The following CNOT1 variants were observed in gnomAD, a reference collection of about 807,000 sequenced individuals.
The protein encoded by CNOT1 is CCR4-associated factor 1.
A neutral mutation model predicts 273.8 loss-of-function variants in CNOT1; 15 were observed. The observed-to-expected ratio is 0.05, with a 90% CI of 0.04 to 0.08. The LOEUF (loss-of-function observed/expected upper bound fraction) is 0.08, where lower values mean the gene tolerates loss of function less well. Among genes scored for constraint, CNOT1 ranks in the 10% least tolerant of loss-of-function variants. CNOT1 has a pLI of 1.00. For synonymous variants in CNOT1, 1,022 were observed against 1,005.5 expected (o/e 1.02, Z -0.31); for missense variants, 1,644 against 2,912.2 (o/e 0.56, Z 10.02).
Position 58,547,188 on chromosome 16 carries a change from C to T in CNOT1, c.3748G>A (p.Val1250Met), listed in dbSNP as rs1028483081. Residue 1250 changes from valine to methionine, a missense_variant and splice_region_variant, in exon 27 of 49, where the codon GTG (valine) becomes ATG (methionine). Val to Met is a conservative substitution (Grantham distance 21). Around this residue, in one of 13 missense-constraint regions of CNOT1, gnomAD observed 124 missense variants for 289.3 expected, o/e 0.43. Transcript: ENST00000317147. The surrounding 1 kb of genome is among the most constrained non-coding windows in gnomAD (Gnocchi z 4.0). Reference sequence around the variant, plus strand: ...ATAAAATATTAAAATCTACTCACCACACTACGAATGCTAGATTCTAAGACT... The same window carrying T: ...ATAAAATATTAAAATCTACTCACCATACTACGAATGCTAGATTCTAAGACT... ...AKVLESSIRSVVFRPPNPWTM... is the reference protein window; with the variant it reads ...AKVLESSIRSMVFRPPNPWTM... The T allele has an allele frequency of 6.2e-7, 1 of 1,611,772 alleles. No individual in the cohort carries two copies. The highest frequency in any genetic ancestry group is 8.5e-7 in the Non-Finnish European group (1 of 1,179,060).
chr16:58,529,592 C>T (rs1193421869), intron 43 of CNOT1, among the ~76,000 whole-genome samples: 3 of 152,136 alleles, frequency 2.0e-5, no homozygotes, highest in Non-Finnish European at 4.4e-5. Context: ...AATCTCAGCA[C>T]TTCAGGAGGC....
intron 1 of CNOT1, among the ~76,000 whole-genome samples, chr16:58,621,862 C>T (rs568681243): frequency 1.5e-5 from 2 of 131,242 alleles, no homozygotes; most frequent in African/African-American, 5.7e-5. Flanking sequence ...AGTGAGCCGA[C>T]ATCGCACCAC....
Position 58,542,516 on chromosome 16 carries a change from G to A in CNOT1, c.4487C>T (p.Ala1496Val), listed in dbSNP as rs767118461. The A allele has an allele frequency of 7.1e-7, 1 of 1,413,168 alleles. No individual in the cohort carries two copies. The highest frequency in any genetic ancestry group is 3.7e-5 in the East Asian group (1 of 26,974). 87.5% of individuals were successfully genotyped at this position (1,413,168 alleles called of 1,614,324 possible). The change falls in exon 32 of 49, where the codon GCT becomes GTT. Residue 1496 changes from alanine to valine, a missense_variant. Ala to Val is a moderately conservative substitution (Grantham distance 64). This residue lies in a region of CNOT1 where 133 missense variants were observed against 230.4 expected (regional missense o/e 0.58). Transcript: ENST00000317147. ...GCAAGCCAACTCACAATTGTCCTGA[G>A]CTAATTGAGCAGCTGCCTGATCCAT... ...EMMDQAAAQL[A>V]QDNCELACCF...
At chr16:58,583,310 G>C (rs2041715395) in intron 8 of CNOT1, 128 bp from the exon 9 acceptor site, 2 of 1,459,992 alleles carry the variant, frequency 1.4e-6, no homozygotes, top group Non-Finnish European at 1.8e-6. Flanking sequence ...AGCAGTAAGT[G>C]TTATTTCTTG....
rs149428779 is a variant in CNOT1 at position 58,616,112 on chromosome 16, T to C, written c.-175+13616A>G. 4.9e-3 allele frequency among the ~76,000 whole-genome samples: 613 copies of C among 124,698 alleles called. 179 individuals carry two copies. The highest frequency in any genetic ancestry group is 8.0e-3 in the Non-Finnish European group (420 of 52,336). The allele number at this position is 124,698 out of a possible 152,430, so 81.8% of individuals were successfully genotyped here. A position where few individuals can be genotyped will look rare whatever the true frequency, so the allele number is the denominator to read the frequency against. The stretch of plus-strand genomic sequence containing the variant: ...AAGTAAGAAATTGCAATAACTCTTT[T>C]TGTTAGTTTTTTCAGACGGAGTCTC... On this transcript the variant is annotated intron_variant, in intron 1 of 48. Transcript: ENST00000317147.
rs1567384496 is a variant in CNOT1 at position 58,525,272 on chromosome 16, G to A, written c.6691C>T (p.His2231Tyr). 6.2e-7 allele frequency: 1 copy of A among 1,614,028 alleles called. No homozygotes were observed. Among genetic ancestry groups the A allele is most frequent in the Non-Finnish European group, 8.5e-7 (1 of 1,180,034 alleles). ...ATTGAAGGTGTGCTGCCCTTGTTGT[G>A]GATGTGCGCAATGGCCTGAGTCCCG... ...YVGTQAIAHI[H>Y]NKGSTPSMST... The change falls in exon 46 of 49, where the codon CAC becomes TAC. Residue 2231 changes from histidine (H) to tyrosine (Y), a missense_variant. Coordinates refer to ENST00000317147, the MANE Select transcript of CNOT1 (RefSeq NM_016284.5).
Position 58,585,405 on chromosome 16 carries a change from C to G in CNOT1, c.739G>C (p.Ala247Pro), listed in dbSNP as rs1471551176. The G allele has an allele frequency of 9.1e-5, 147 of 1,613,746 alleles. No homozygotes were observed. Among genetic ancestry groups the G allele is most frequent in the Non-Finnish European group, 1.2e-4 (144 of 1,180,010 alleles). The change falls in exon 8 of 49, where the codon GCT becomes CCT. Residue 247 changes from alanine to proline, a missense_variant. Ala to Pro is a conservative substitution (Grantham distance 27). Around this residue, in one of 13 missense-constraint regions of CNOT1, gnomAD observed 706 missense variants for 1,021.2 expected, o/e 0.69. Coordinates refer to ENST00000317147, the MANE Select transcript of CNOT1 (RefSeq NM_016284.5). ...AAAGAGCTCTCCATCATGGTTTTAG[C>G]TACCCCTCCGGAATCAGGCAGGATC... ...DRILPDSGGV[A>P]KTMMESSLAD... is the part of the protein sequence containing the mutation.
chr16:58,589,958 A>G (rs2041998925), intron 2 of CNOT1, among the ~76,000 whole-genome samples: 1 of 152,216 alleles, frequency 6.6e-6, no homozygotes, highest in Non-Finnish European at 1.5e-5. Context: ...TAAAACAGAA[A>G]TATGACCTGC....
chr16:58,545,295 G>C, intron 30 of CNOT1, 66 bp downstream of exon 30: 1 of 1,588,502 alleles, frequency 6.3e-7, no homozygotes, highest in Non-Finnish European at 8.6e-7. Flanking sequence ...CTGAAGAAAA[G>C]GTGGCCAAAC....
intron 1 of CNOT1, among the ~76,000 whole-genome samples, chr16:58,601,012 T>C (rs554172037): frequency 5.6e-4 from 86 of 152,326 alleles, no homozygotes; most frequent in African/African-American, 2.0e-3. Flanking sequence ...TGGAGTTTAA[T>C]GGCACGGTCT....
chr16:58,550,260 T>C (rs533890303), intron 24 of CNOT1, among the ~76,000 whole-genome samples: 2 of 152,372 alleles, frequency 1.3e-5, no homozygotes, highest in South Asian at 4.1e-4. Flanking sequence ...TAAATTTCCA[T>C]CTACAGGAAT....
chr16:58,589,751 A>G (rs1037489520), intron 2 of CNOT1, among the ~76,000 whole-genome samples: 10 of 152,316 alleles, frequency 6.6e-5, no homozygotes, highest in African/African-American at 1.9e-4. Flanking sequence ...TGAAGCTGCC[A>G]TAAGATCCGA....
chr16:58,616,449 G>T (rs1156611548), intron 1 of CNOT1, among the ~76,000 whole-genome samples: 5 of 152,010 alleles, frequency 3.3e-5, no homozygotes. Flanking sequence ...TACAGATGGG[G>T]TCTTGCTATA....
At chr16:58,597,883 G>A in intron 2 of CNOT1, 6 of 304,758 alleles carry the variant, frequency 2.0e-5, no homozygotes, top group South Asian at 1.9e-4. Flanking sequence ...AGAAGTAGGT[G>A]GCAGCTGCAC....
intron 2 of CNOT1, 34 bp downstream of exon 2, chr16:58,599,202 T>G (rs1261705059): frequency 6.2e-7 from 1 of 1,614,052 alleles, no homozygotes; most frequent in Admixed American, 1.7e-5. Context: ...ACTCATTCCT[T>G]TAATGGCACT....
At chr16:58,554,710 TG>T (rs1426695422) in intron 21 of CNOT1, among the ~76,000 whole-genome samples, 1 of 146,570 alleles carries the variant, frequency 6.8e-6, no homozygotes, top group Non-Finnish European at 1.5e-5. Flanking sequence ...CCGAGGTGGG[TG>T]GATCACCCGA....
intron 7 of CNOT1, 82 bp from the exon 8 acceptor site, chr16:58,585,588 C>A: frequency 1.3e-6 from 2 of 1,508,584 alleles, no homozygotes; most frequent in Admixed American, 2.5e-5. Flanking sequence ...TCCCCTCAAA[C>A]CCAATTCTCT....
chr16:58,528,879 C>G (rs2039683956), intron 43 of CNOT1, among the ~76,000 whole-genome samples: 1 of 150,508 alleles, frequency 6.6e-6, no homozygotes, highest in South Asian at 2.1e-4. Context: ...AATGAATATG[C>G]TAGAAGAGGA....
chr16:58,565,017 A>G (rs2040990646), intron 16 of CNOT1, among the ~76,000 whole-genome samples: 1 of 152,220 alleles, frequency 6.6e-6, no homozygotes, highest in South Asian at 2.1e-4. Flanking sequence ...TCTCACGCCA[A>G]TGGTATACAT....
Sources: allele counts gnomAD v4.1 joint callset (sites outside exome capture counted in the v4.1 genomes callset), GRCh38; gene constraint gnomAD v4.1.1; regional missense constraint gnomAD v4.1.1; non-coding constraint Gnocchi (gnomAD v3.1); transcripts MANE v1.5; gene names NCBI Gene and HGNC (gene_info 2026-07-23, HGNC 2026-07-21).